Variants in SURF1 observed in about 807,000 individuals in gnomAD.
SURF1 encodes the protein surfeit locus protein 1.
Under a neutral mutation model 34.1 loss-of-function variants are expected in SURF1, and 45 were observed. That is an observed-to-expected ratio of 1.32 (90% CI 1.04 to 1.69). The LOEUF (loss-of-function observed/expected upper bound fraction) is 1.69. Ranked by LOEUF, SURF1 falls within the 40% of genes most tolerant of loss-of-function variation. SURF1 has a pLI of 0.00. For synonymous variants in SURF1, 188 were observed against 147.5 expected (o/e 1.27, Z -1.99); for missense variants, 456 against 384.6 (o/e 1.19, Z -1.55).
rs2130006917 is a variant in SURF1, at chr9:133,352,445, C to G, written c.751+1G>C. 1 of 1,614,216 alleles carries G rather than the reference C, an allele frequency of 6.2e-7. No homozygotes were observed. The highest frequency in any genetic ancestry group is 1.7e-5 in the Admixed American group (1 of 60,018). ...CCGAGATGGGCTGGTCCACAACGTA[C>G]GGAAGTTGGCATCAATGAAGATGGG... On this transcript the variant is annotated splice_donor_variant, in intron 7 of 8. Coordinates refer to ENST00000371974, the MANE Select transcript of SURF1 (RefSeq NM_003172.4). LOFTEE classifies it high-confidence loss of function.
intron 4 of SURF1, among the ~76,000 whole-genome samples, chr9:133,354,433 A>G (rs2130017095): frequency 6.6e-6 from 1 of 152,248 alleles, no homozygotes; most frequent in East Asian, 1.9e-4. Context: ...CCCAGGACTC[A>G]AAATAAGACT....
chr9:133,352,591 G>A lies in SURF1; in HGVS notation c.606C>T (p.Asp202=). ...RQKGQIEGEV[D]LIGMVRLTET... The stretch of plus-strand genomic sequence containing the variant: ...CTGTCAGCCTCACCATCCCAATGAG[G>A]TCCACTTCTCCCTCAATCTATAAAG... The change falls in exon 7 of 9, where the codon GAC becomes GAT. Residue 202 remains aspartate, a synonymous_variant. Coordinates refer to ENST00000371974, the MANE Select transcript of SURF1 (RefSeq NM_003172.4). 1 of 1,614,172 alleles carries A rather than the reference G, an allele frequency of 6.2e-7. No individual in the cohort carries two copies. The highest frequency in any genetic ancestry group is 8.5e-7 in the Non-Finnish European group (1 of 1,180,040).
chr9:133,354,176 T>A (rs2130016360), intron 4 of SURF1: 41 of 598,122 alleles, frequency 6.9e-5, no homozygotes, highest in South Asian at 3.5e-4. Flanking sequence ...TGTGAAATTT[T>A]AAAAAATATG....
In SURF1 at chr9:133,352,056, C is replaced by T; in HGVS notation, c.833+5G>A. On this transcript the variant is annotated splice_donor_5th_base_variant and intron_variant, in intron 8 of 8. Transcript: ENST00000371974. ...GAGGAAGCCAGAGGGCCGCTGGGGA[C>T]TCACCAGGTCACGATGTACTGCAGA... 2 of 1,612,058 alleles carry T rather than the reference C, an allele frequency of 1.2e-6. No homozygotes were observed. Among genetic ancestry groups the T allele is most frequent in the Non-Finnish European group, 8.5e-7 (1 of 1,179,146 alleles).
At chr9:133,352,647 G>A (rs1836459159) in intron 6 of SURF1, 39 bp from the exon 7 acceptor site, 2 of 1,613,678 alleles carry the variant, frequency 1.2e-6, no homozygotes, top group African/African-American at 1.3e-5. Flanking sequence ...GGAGCCTGGT[G>A]GACTCCCAGA....
Position 133,356,335 on chromosome 9 carries a change from G to T in SURF1, c.55-15C>A. ...CTGGCCGGGGCCTGCGGACACGGAC[G>T]GGCGGGCTGAGCTCCGGGACCCCTC... On this transcript the variant is annotated splice_polypyrimidine_tract_variant and intron_variant, in intron 1 of 8. Coordinates refer to ENST00000371974, the MANE Select transcript of SURF1 (RefSeq NM_003172.4). 1 of 1,505,846 alleles carries T rather than the reference G, an allele frequency of 6.6e-7. No individual in the cohort carries two copies. Among genetic ancestry groups the T allele is most frequent in the East Asian group, 2.7e-5 (1 of 37,380 alleles). The allele number at this position is 1,505,846 out of a possible 1,614,324, so 93.3% of individuals were successfully genotyped here.
intron 2 of SURF1, 77 bp from the exon 3 acceptor site, chr9:133,355,034 C>T: frequency 6.3e-7 from 1 of 1,591,822 alleles, no homozygotes. Context: ...CCAAGACAGA[C>T]TCCAGTACTG....
In SURF1 at chr9:133,352,845, T is replaced by C. The variant is rs2130010705; in HGVS notation, c.516-79A>G. On this transcript the variant is annotated intron_variant, in intron 5 of 8. Transcript: ENST00000371974. ...TCACTCATGGTCACTCAGGCACCCATAGGAACAACTAGAGCACCAAGGAAG... is the reference window on the plus strand; with the variant it reads ...TCACTCATGGTCACTCAGGCACCCACAGGAACAACTAGAGCACCAAGGAAG... 5.6e-5 allele frequency: 80 copies of C among 1,425,406 alleles called. No individual in the cohort carries two copies. In the East Asian group the frequency reaches 6.6e-4, roughly 12 times the overall value. 88.3% of individuals were successfully genotyped at this position (1,425,406 alleles called of 1,614,324 possible). A position where few individuals can be genotyped will look rare whatever the true frequency, so the allele number is the denominator to read the frequency against.
intron 5 of SURF1, among the ~76,000 whole-genome samples, 154 bp from the exon 6 acceptor site, chr9:133,352,920 CAA>C (rs2130010957): frequency 6.6e-6 from 1 of 152,214 alleles, no homozygotes; most frequent in Non-Finnish European, 1.5e-5. Context: ...GCCACACAGG[CAA>C]AGTCTTCCTC....
chr9:133,356,338 C>A lies in SURF1; in HGVS notation c.55-18G>T, dbSNP rs1180943524. The A allele has an allele frequency of 5.3e-6, 8 of 1,499,800 alleles. No homozygotes were observed. The South Asian group carries it at 8.6e-5, about 16-fold the overall frequency. The allele number at this position is 1,499,800 out of a possible 1,614,324, so 92.9% of individuals were successfully genotyped here. A position where few individuals can be genotyped will look rare whatever the true frequency, so the allele number is the denominator to read the frequency against. On this transcript the variant is annotated intron_variant, in intron 1 of 8. Coordinates refer to ENST00000371974, the MANE Select transcript of SURF1 (RefSeq NM_003172.4). Reference sequence around the variant, plus strand: ...GCCGGGGCCTGCGGACACGGACGGGCGGGCTGAGCTCCGGGACCCCTCCCC... The same window carrying A: ...GCCGGGGCCTGCGGACACGGACGGGAGGGCTGAGCTCCGGGACCCCTCCCC...
chr9:133,353,615 G>A (rs2130013710), intron 5 of SURF1, 134 bp downstream of exon 5: 1 of 993,820 alleles, frequency 1.0e-6, no homozygotes, highest in East Asian at 2.4e-5. Flanking sequence ...ACTATGCAAG[G>A]AATTGAATCT....
Position 133,356,434 on chromosome 9 carries a change from A to T in SURF1, c.20T>A (p.Leu7Ter). 1 of 1,411,198 alleles carries T rather than the reference A, an allele frequency of 7.1e-7. No individual in the cohort carries two copies. Among genetic ancestry groups the T allele is most frequent in the African/African-American group, 1.5e-5 (1 of 66,472 alleles). 87.4% of individuals were successfully genotyped at this position (1,411,198 alleles called of 1,614,324 possible). MAAVAA[L>*]QLGLRAAGLG... ...CCCCGCCGCCCGCAGCCCCAGCTGC[A>T]ACGCAGCCACCGCCGCCATCGCACC... Residue 7 changes from leucine (L) to a stop codon, truncating the protein, a stop_gained, in exon 1 of 9, where the codon TTG becomes TAG. Coordinates refer to ENST00000371974, the MANE Select transcript of SURF1 (RefSeq NM_003172.4). LOFTEE classifies it high-confidence loss of function.
rs2130019480 is a variant in SURF1, at chr9:133,354,885, G to C, written c.179C>G (p.Ser60Cys). The C allele has an allele frequency of 1.5e-5, 24 of 1,614,026 alleles. No individual in the cohort carries two copies. Among genetic ancestry groups the C allele is most frequent in the Non-Finnish European group, 2.0e-5 (24 of 1,180,034 alleles). The change falls in exon 3 of 9, where the codon TCC becomes TGC. Residue 60 changes from serine (S) to cysteine (C), a missense_variant. By Grantham distance (112) the Ser-to-Cys change is moderately radical (BLOSUM62 -1). Coordinates refer to ENST00000371974, the MANE Select transcript of SURF1 (RefSeq NM_003172.4). ...EASATKAEDD[S>C]FLQWVLLLIP... Reference sequence around the variant, plus strand: ...GAGGAGCAGGACCCACTGAAGAAAGGAGTCATCTTCCGCTTTTGTGGCAGA... The same window carrying C: ...GAGGAGCAGGACCCACTGAAGAAAGCAGTCATCTTCCGCTTTTGTGGCAGA...
In SURF1 at chr9:133,356,388, C is replaced by CCCCGCACCCCGCAG; in HGVS notation, c.54+11_54+12insCTGCGGGGTGCGGG. Reference sequence around the variant, plus strand: ...CGCGCCCCGCACCCCGCACCCCGCACCCGGCGCTCACCCGTCCCAGCCCCG... The same window carrying CCCCGCACCCCGCAG: ...CGCGCCCCGCACCCCGCACCCCGCACCCCGCACCCCGCAGCCGGCGCTCACCCGTCCCAGCCCCG... On this transcript the variant is annotated intron_variant, in intron 1 of 8. Transcript: ENST00000371974. 1 of 1,403,350 alleles carries CCCCGCACCCCGCAG rather than the reference C, an allele frequency of 7.1e-7. No individual in the cohort carries two copies. Among genetic ancestry groups the CCCCGCACCCCGCAG allele is most frequent in the Non-Finnish European group, 9.2e-7 (1 of 1,084,338 alleles). 86.9% of individuals were successfully genotyped at this position (1,403,350 alleles called of 1,614,324 possible). A position where few individuals can be genotyped will look rare whatever the true frequency, so the allele number is the denominator to read the frequency against.
In SURF1 at chr9:133,354,647, C is replaced by G; in HGVS notation, c.323+12G>C. 1.2e-6 allele frequency: 2 copies of G among 1,612,262 alleles called. No individual in the cohort carries two copies. The highest frequency in any genetic ancestry group is 3.3e-5 in the Admixed American group (2 of 60,022). ...AGTAAAACAGGCCCTAGGGGGGCAGCCATGCACTCACTCGGCTGGCAGAGG... is the reference window on the plus strand; with the variant it reads ...AGTAAAACAGGCCCTAGGGGGGCAGGCATGCACTCACTCGGCTGGCAGAGG... On this transcript the variant is annotated intron_variant, in intron 4 of 8. Coordinates refer to ENST00000371974, the MANE Select transcript of SURF1 (RefSeq NM_003172.4).
In SURF1 at chr9:133,352,493, A is replaced by G. The variant is rs2130007336; in HGVS notation, c.704T>C (p.Met235Thr). Reference protein sequence around the residue: ...NHWHYRDLEAMARITGAEPIF... With the variant: ...NHWHYRDLEATARITGAEPIF... ...GGGCTCTGCGCCTGTGATTCTGGCC[A>G]TAGCTTCCAGGTCTCGATAATGCCA... is the stretch of plus-strand genomic sequence containing the variant. Residue 235 changes from methionine (M) to threonine (T), a missense_variant, in exon 7 of 9, where the codon ATG becomes ACG. By Grantham distance (81) the Met-to-Thr change is moderately conservative. Transcript: ENST00000371974. 3 of 1,614,242 alleles carry G rather than the reference A, an allele frequency of 1.9e-6. No homozygotes were observed. Among genetic ancestry groups the G allele is most frequent in the East Asian group, 2.2e-5 (1 of 44,884 alleles).
intron 4 of SURF1, 26 bp from the exon 5 acceptor site, chr9:133,353,966 G>A (rs2130015783): frequency 4.9e-5 from 79 of 1,613,378 alleles, no homozygotes; most frequent in African/African-American, 2.5e-4. Flanking sequence ...AACAGTGGCC[G>A]AGCAAGGTTT....
chr9:133,356,224 G>A (rs1459522355), intron 2 of SURF1, 45 bp downstream of exon 2: 1 of 1,531,978 alleles, frequency 6.5e-7, no homozygotes, highest in Non-Finnish European at 8.7e-7. Flanking sequence ...ACAGCAGGTG[G>A]CTCTGCCCAG....
chr9:133,354,705 C>T lies in SURF1; in HGVS notation c.277G>A (p.Glu93Lys). 1.2e-6 allele frequency: 2 copies of T among 1,613,588 alleles called. No individual in the cohort carries two copies. Among genetic ancestry groups the T allele is most frequent in the Non-Finnish European group, 1.7e-6 (2 of 1,180,038 alleles). ...TCAGCCAGAACTCTGGACTCCAACTCTGCAATCAGGTTCAGCTTCCACTTC... is the reference window on the plus strand; with the variant it reads ...TCAGCCAGAACTCTGGACTCCAACTTTGCAATCAGGTTCAGCTTCCACTTC... The part of the protein sequence containing the change: ...RRKWKLNLIA[E>K]LESRVLAEPV... The change falls in exon 4 of 9, where the codon GAG becomes AAG. Residue 93 changes from glutamate (E) to lysine (K), a missense_variant. Coordinates refer to ENST00000371974, the MANE Select transcript of SURF1 (RefSeq NM_003172.4).
Sources: gnomAD v4.1 joint callset for allele counts (sites outside exome capture counted in the v4.1 genomes callset) on GRCh38, gnomAD v4.1.1 for gene constraint, MANE v1.5 for transcripts, NCBI Gene and HGNC (gene_info 2026-07-23, HGNC 2026-07-21) for gene names.